MYO6: variants seen among roughly 807,000 people sequenced by gnomAD.
MYO6 encodes the protein unconventional myosin-VI.
MYO6 carries 74 observed loss-of-function variants against 178.7 expected under a neutral mutation model. That is an observed-to-expected ratio of 0.41 (90% CI 0.34 to 0.50). The LOEUF is 0.50. MYO6 is among the 20% of genes least tolerant of loss of function. The pLI is 0.09. For missense variants in MYO6, 1,330 were observed against 1,547.4 expected (o/e 0.86, Z 2.36); for synonymous variants, 477 against 504.6 (o/e 0.95, Z 0.73).
chr6:75,895,653 G>A (rs1162641473), intron 29 of MYO6, among the ~76,000 whole-genome samples: 2 of 151,898 alleles, frequency 1.3e-5, no homozygotes, highest in Non-Finnish European at 2.9e-5. Context: ...AAGTAGCTGG[G>A]ACTACAGGCA....
chr6:75,915,162 T>G lies in MYO6; in HGVS notation c.*150T>G. 1.2e-6 allele frequency: 1 copy of G among 832,140 alleles called. No individual in the cohort carries two copies. The highest frequency in any genetic ancestry group is 1.9e-6 in the Non-Finnish European group (1 of 529,818). 51.5% of individuals were successfully genotyped at this position (832,140 alleles called of 1,614,324 possible). On this transcript the variant is annotated 3_prime_UTR_variant, in exon 35 of 35. Coordinates refer to ENST00000369977, the MANE Select transcript of MYO6 (RefSeq NM_004999.4). ...AATCACGGCTTTTGGTGAATTTGTT[T>G]AAGGTTAATTATGGTAGCAAATTTT...
In MYO6 at chr6:75,902,853, G is replaced by A. The variant is rs1779927734; in HGVS notation, c.3176+4442G>A. Among the ~76,000 whole-genome samples the A allele has an allele frequency of 6.6e-5, 10 of 151,548 alleles. No homozygotes were observed. In the South Asian group the frequency reaches 2.1e-3, roughly 32 times the overall value. Reference sequence around the variant, plus strand: ...TTTTGGATCTTTCCTGCTTTCTCTTGTGGGCATTTAGTGCTATAAATTTCC... The same window carrying A: ...TTTTGGATCTTTCCTGCTTTCTCTTATGGGCATTTAGTGCTATAAATTTCC... On this transcript the variant is annotated intron_variant, in intron 30 of 34. Coordinates refer to ENST00000369977, the MANE Select transcript of MYO6 (RefSeq NM_004999.4).
At position 75,879,885 on chromosome 6, in the gene MYO6, TACA is replaced by T. The variant is rs1437537407; in HGVS notation, c.2147_2149del (p.Asn716del). The T allele has an allele frequency of 5.6e-6, 9 of 1,614,170 alleles. No homozygotes were observed. Among genetic ancestry groups the T allele is most frequent in the Non-Finnish European group, 6.8e-6 (8 of 1,179,996 alleles). The stretch of plus-strand genomic sequence containing the variant: ...ATCACGAGCTTCATTTCATGAACTC[TACA>T]ACATGTACAAAAAGTATATGCCAGA... On this transcript the variant is annotated inframe_deletion, in exon 21 of 35. Transcript: ENST00000369977.
chr6:75,782,903 A>T (rs1767129097), intron 1 of MYO6, among the ~76,000 whole-genome samples: 1 of 144,426 alleles, frequency 6.9e-6, no homozygotes. Flanking sequence ...TCAGTTAGCT[A>T]GTTAGCTTTT....
intron 1 of MYO6, among the ~76,000 whole-genome samples, chr6:75,759,161 C>T (rs565960843): frequency 5.9e-5 from 9 of 152,236 alleles, no homozygotes; most frequent in African/African-American, 2.2e-4. Context: ...TGAGCCACAG[C>T]GCCCGGCCGT....
intron 1 of MYO6, among the ~76,000 whole-genome samples, chr6:75,758,036 A>G (rs1232326183): frequency 3.4e-5 from 4 of 119,354 alleles, no homozygotes; most frequent in Non-Finnish European, 6.4e-5. Context: ...GGAGTGCAGT[A>G]GCGCGATCTT....
rs545021133 is a variant in MYO6, at chr6:75,775,796, G to A, written c.-48+26373G>A. 1.6e-3 allele frequency among the ~76,000 whole-genome samples: 249 copies of A among 152,294 alleles called. 1 individual carries two copies. The highest frequency in any genetic ancestry group is 6.8e-3 in the Middle Eastern group (2 of 294). On this transcript the variant is annotated intron_variant, in intron 1 of 34. Coordinates refer to ENST00000369977, the MANE Select transcript of MYO6 (RefSeq NM_004999.4). ...ATGGTCTGAGTCACAAATCCATAGAGCTACTATTATGCAGGGATGGAAAGT... is the reference window on the plus strand; with the variant it reads ...ATGGTCTGAGTCACAAATCCATAGAACTACTATTATGCAGGGATGGAAAGT...
intron 3 of MYO6, among the ~76,000 whole-genome samples, chr6:75,826,012 C>T (rs1004860378): frequency 6.6e-6 from 1 of 152,052 alleles, no homozygotes; most frequent in African/African-American, 2.4e-5. Flanking sequence ...AAACAGTTTA[C>T]ATAAAGAGTT....
chr6:75,751,984 GTTTA>G (rs925247766), intron 1 of MYO6, among the ~76,000 whole-genome samples: 4 of 151,034 alleles, frequency 2.6e-5, no homozygotes, highest in Admixed American at 1.3e-4. Context: ...AAATCTCAGA[GTTTA>G]TTTATTCTTT....
At chr6:75,908,414 A>G (rs556649881) in intron 31 of MYO6, 82 bp from the exon 32 acceptor site, 3 of 1,368,156 alleles carry the variant, frequency 2.2e-6, no homozygotes, top group African/African-American at 2.9e-5. Context: ...AAATCTCCTT[A>G]TGCGACAGAA....
At chr6:75,753,197 C>T (rs1777043332) in intron 1 of MYO6, among the ~76,000 whole-genome samples, 1 of 152,036 alleles carries the variant, frequency 6.6e-6, no homozygotes, top group Non-Finnish European at 1.5e-5. Flanking sequence ...GGTAGGAAGG[C>T]TGAGTTGGGT....
intron 1 of MYO6, among the ~76,000 whole-genome samples, chr6:75,780,887 A>C (rs1179792841): frequency 6.6e-6 from 1 of 151,432 alleles, no homozygotes; most frequent in Admixed American, 6.6e-5. Context: ...GGCTCACTGC[A>C]ACCTCCGCCT....
Position 75,840,669 on chromosome 6 carries a change from A to AT in MYO6, c.642dup (p.Asn215Ter). On this transcript the variant is annotated frameshift_variant, in exon 8 of 35. Transcript: ENST00000369977. LOFTEE classifies it high-confidence loss of function. ...CGATTTGGGAAATTTGTAGAAATAC[A>AT]TTTTAATGAAAAGGTAAGTGAGAGT... 6.2e-7 allele frequency: 1 copy of AT among 1,610,466 alleles called. No individual in the cohort carries two copies. Among genetic ancestry groups the AT allele is most frequent in the Non-Finnish European group, 8.5e-7 (1 of 1,176,668 alleles).
At position 75,806,914 on chromosome 6, in the gene MYO6, C is replaced by T. The variant is rs561173720; in HGVS notation, c.-47-10587C>T. 2.0e-5 allele frequency among the ~76,000 whole-genome samples: 3 copies of T among 151,970 alleles called. No homozygotes were observed. In the East Asian group the frequency reaches 5.8e-4, roughly 29 times the overall value. On this transcript the variant is annotated intron_variant, in intron 1 of 34. Transcript: ENST00000369977. Reference sequence around the variant, plus strand: ...TTTCCCACTTCACACCTCTATATTTCTGTGTGTGTGTGTGTCTTTAATTCC... The same window carrying T: ...TTTCCCACTTCACACCTCTATATTTTTGTGTGTGTGTGTGTCTTTAATTCC...
chr6:75,771,922 A>T, intron 1 of MYO6, among the ~76,000 whole-genome samples: 1 of 152,240 alleles, frequency 6.6e-6, no homozygotes, highest in East Asian at 1.9e-4. Context: ...GAATGTTTTA[A>T]AAATTTAGTT....
chr6:75,771,686 C>A (rs1765908766), intron 1 of MYO6, among the ~76,000 whole-genome samples: 1 of 152,158 alleles, frequency 6.6e-6, no homozygotes, highest in Admixed American at 6.5e-5. Context: ...CAATAGAATT[C>A]ACATTTGATA....
Position 75,905,852 on chromosome 6 carries a change from A to G in MYO6, c.3177-1753A>G, listed in dbSNP as rs552717976. On this transcript the variant is annotated intron_variant, in intron 30 of 34. Coordinates refer to ENST00000369977, the MANE Select transcript of MYO6 (RefSeq NM_004999.4). Reference sequence around the variant, plus strand: ...ATTTTTTATTTTCTAGAATGAAAGCATACAGAGACCTTTTAAAGAAGCAAG... The same window carrying G: ...ATTTTTTATTTTCTAGAATGAAAGCGTACAGAGACCTTTTAAAGAAGCAAG... Among the ~76,000 whole-genome samples, 3 of 152,388 alleles carry G rather than the reference A, an allele frequency of 2.0e-5. No individual in the cohort carries two copies. In the East Asian group the frequency reaches 5.8e-4, roughly 29 times the overall value.
At position 75,828,570 on chromosome 6, in the gene MYO6, T is replaced by A. The variant is rs1476389558; in HGVS notation, c.218T>A (p.Leu73Gln). The change falls in exon 4 of 35, where the codon CTG (leucine) becomes CAG (glutamine). Residue 73 changes from leucine (L) to glutamine (Q), a missense_variant. Physicochemically the swap from Leu to Gln is moderately radical, Grantham distance 113. Coordinates refer to ENST00000369977, the MANE Select transcript of MYO6 (RefSeq NM_004999.4). Reference sequence around the variant, plus strand: ...CTAATGTATTTAAATGAAGCCACACTGCTCCATAATATCAAAGTTCGATAT... The same window carrying A: ...CTAATGTATTTAAATGAAGCCACACAGCTCCATAATATCAAAGTTCGATAT... ...CSLMYLNEAT[L>Q]LHNIKVRYSK... 3 of 1,583,284 alleles carry A rather than the reference T, an allele frequency of 1.9e-6. No homozygotes were observed. The highest frequency in any genetic ancestry group is 2.7e-5 in the African/African-American group (2 of 74,226).
intron 10 of MYO6, among the ~76,000 whole-genome samples, chr6:75,845,805 T>C (rs1410343585): frequency 6.6e-6 from 1 of 151,908 alleles, no homozygotes; most frequent in Admixed American, 6.6e-5. Context: ...GCCAACATGA[T>C]GAGACCCTGT....
Sources: allele counts gnomAD v4.1 joint callset (sites outside exome capture counted in the v4.1 genomes callset), GRCh38; gene constraint gnomAD v4.1.1; transcripts MANE v1.5; gene names NCBI Gene and HGNC (gene_info 2026-07-23, HGNC 2026-07-21).